Variants in IPMK observed in about 807,000 individuals in gnomAD.
IPMK encodes inositol polyphosphate multikinase, also known as inositol 1,3,4,6-tetrakisphosphate 5-kinase.
Under a neutral mutation model 45.8 loss-of-function variants are expected in IPMK, and 17 were observed. The ratio of observed to expected loss-of-function variants is 0.37; its 90% CI spans 0.25 to 0.56. The LOEUF (loss-of-function observed/expected upper bound fraction) is 0.56. Among genes scored for constraint, IPMK ranks in the 20% least tolerant of loss-of-function variants. IPMK has a pLI of 0.79. For missense variants in IPMK, 399 were observed against 498.0 expected, an observed-to-expected ratio of 0.80 and a Z score of 1.89; for synonymous variants, 180 against 184.3, an observed-to-expected ratio of 0.98 and a Z score of 0.19.
At chr10:58,225,429 T>C (rs769965577) in intron 3 of IPMK, among the ~76,000 whole-genome samples, 2 of 150,560 alleles carry the variant, frequency 1.3e-5, no homozygotes, top group Non-Finnish European at 2.9e-5. Flanking sequence ...TTCAAGATTA[T>C]ATAGTATTGA....
At chr10:58,216,371 G>A in intron 3 of IPMK, 54 bp from the exon 4 acceptor site, 1 of 767,416 alleles carries the variant, frequency 1.3e-6, no homozygotes, top group Non-Finnish European at 1.9e-6. Flanking sequence ...TACTACTCAA[G>A]TACTTGCCAG....
At chr10:58,219,892 G>T (rs1281274805) in intron 3 of IPMK, among the ~76,000 whole-genome samples, 2 of 152,106 alleles carry the variant, frequency 1.3e-5, no homozygotes, top group African/African-American at 4.8e-5. Context: ...GTGTTTTCTT[G>T]TTTTTTTCCT....
chr10:58,267,194 T>G (rs1319144185), intron 1 of IPMK, among the ~76,000 whole-genome samples: 1 of 152,198 alleles, frequency 6.6e-6, no homozygotes, highest in African/African-American at 2.4e-5. Context: ...CGCCTCTCCC[T>G]GCCACCCGTG....
At chr10:58,206,584 C>G (rs1418865630) in intron 4 of IPMK, among the ~76,000 whole-genome samples, 1 of 152,158 alleles carries the variant, frequency 6.6e-6, no homozygotes, top group Non-Finnish European at 1.5e-5. Context: ...CTTATCCTGT[C>G]CATGTACCCT....
chr10:58,264,979 C>G lies in IPMK; in HGVS notation c.190+2443G>C, dbSNP rs566858043. ...GGGAGAATGAGTAGGGGGAAGGGCA[C>G]TACTTAAACTGAATTTTTTTCCTAA... On this transcript the variant is annotated intron_variant, in intron 1 of 5. Transcript: ENST00000373935. Among the ~76,000 whole-genome samples the G allele has an allele frequency of 3.3e-5, 5 of 152,194 alleles. No individual in the cohort carries two copies. In the East Asian group the frequency reaches 9.7e-4, roughly 29 times the overall value.
At chr10:58,259,204 T>G (rs1839018935) in intron 1 of IPMK, among the ~76,000 whole-genome samples, 1 of 152,204 alleles carries the variant, frequency 6.6e-6, no homozygotes, top group Non-Finnish European at 1.5e-5. Context: ...AAATACCATT[T>G]ACCCCTAAAG....
At chr10:58,259,678 A>AAAAAAAAAAAAAAAAAC (rs984861270) in intron 1 of IPMK, among the ~76,000 whole-genome samples, 1 of 144,498 alleles carries the variant, frequency 6.9e-6, no homozygotes, top group South Asian at 2.2e-4. Flanking sequence ...ACATAAAAAA[A>AAAAAAAAAAAAAAAAAC]AAAAAAAAAC....
intron 1 of IPMK, among the ~76,000 whole-genome samples, chr10:58,238,895 C>T (rs1310083300): frequency 6.6e-6 from 1 of 151,238 alleles, no homozygotes; most frequent in Non-Finnish European, 1.5e-5. Flanking sequence ...CATGCTGGCT[C>T]ACACCTGTAA....
Position 58,195,001 on chromosome 10 carries a change from G to A in IPMK, c.*1075C>T, listed in dbSNP as rs1336438030. On this transcript the variant is annotated 3_prime_UTR_variant, in exon 6 of 6. Coordinates refer to ENST00000373935, the MANE Select transcript of IPMK (RefSeq NM_152230.5). ...TGTTTTGAGGAAGAGTGAAATAGAAGCATGAATATAGATACGCACCAAACC... is the reference window on the plus strand; with the variant it reads ...TGTTTTGAGGAAGAGTGAAATAGAAACATGAATATAGATACGCACCAAACC... 6.6e-6 allele frequency: 1 copy of A among 151,858 alleles called. No individual in the cohort carries two copies. The highest frequency in any genetic ancestry group is 2.4e-5 in the African/African-American group (1 of 41,392). The allele number at this position is 151,858 out of a possible 1,614,324, so 9.4% of individuals were successfully genotyped here.
chr10:58,222,837 T>C (rs1838357385), intron 3 of IPMK, among the ~76,000 whole-genome samples: 1 of 152,192 alleles, frequency 6.6e-6, no homozygotes, highest in East Asian at 1.9e-4. Context: ...GCCCAAAATA[T>C]TTATGTATTT....
chr10:58,215,137 G>C (rs1458625932), intron 4 of IPMK, among the ~76,000 whole-genome samples: 1 of 152,044 alleles, frequency 6.6e-6, no homozygotes, highest in Non-Finnish European at 1.5e-5. Context: ...CAAAGAAAAA[G>C]ACCCAGCCAA....
At chr10:58,211,919 A>AAAAAT (rs1838170717) in intron 4 of IPMK, among the ~76,000 whole-genome samples, 16 of 148,286 alleles carry the variant, frequency 1.1e-4, no homozygotes, top group African/African-American at 4.2e-4. Context: ...AAAAAAAAAA[A>AAAAAT]AAAAAATTTG....
rs573216117 is a variant in IPMK at position 58,220,684 on chromosome 10, T to C, written c.374-4367A>G. Among the ~76,000 whole-genome samples the C allele has an allele frequency of 6.6e-5, 10 of 152,250 alleles. No individual in the cohort carries two copies. In the South Asian group the frequency reaches 2.1e-3, roughly 32 times the overall value. ...ACACATTCCCATATCCCCTCCAAAA[T>C]AAAATTTCATACATTCCATATATAA... On this transcript the variant is annotated intron_variant, in intron 3 of 5. Coordinates refer to ENST00000373935, the MANE Select transcript of IPMK (RefSeq NM_152230.5).
chr10:58,236,825 G>T (rs574509714), intron 2 of IPMK, among the ~76,000 whole-genome samples: 1 of 152,224 alleles, frequency 6.6e-6, no homozygotes. Context: ...GGGTTGGGGT[G>T]GGGAGATGCT....
intron 1 of IPMK, among the ~76,000 whole-genome samples, chr10:58,248,273 A>G (rs569882585): frequency 1.3e-5 from 2 of 152,238 alleles, no homozygotes; most frequent in East Asian, 3.9e-4. Context: ...TGTGCATGTA[A>G]TTAAGAATAC....
chr10:58,257,529 A>C (rs1000057446), intron 1 of IPMK, among the ~76,000 whole-genome samples: 3 of 152,124 alleles, frequency 2.0e-5, no homozygotes, highest in African/African-American at 2.4e-5. Flanking sequence ...TAAAATAATA[A>C]GATAAAGAAC....
At chr10:58,236,803 T>TGTGGGGAGGTTGGGTTGGG (rs1838620180) in intron 2 of IPMK, among the ~76,000 whole-genome samples, 1 of 152,050 alleles carries the variant, frequency 6.6e-6, no homozygotes, top group African/African-American at 2.4e-5. Context: ...TTCCAGCTAC[T>TGTGGGGAGGTTGGGTTGGG]GTGGGGAGGT....
intron 2 of IPMK, among the ~76,000 whole-genome samples, chr10:58,229,440 G>A (rs1838473434): frequency 6.6e-6 from 1 of 151,512 alleles, no homozygotes. Flanking sequence ...GCATGCACCT[G>A]TAATCCCAGC....
chr10:58,267,372 G>T lies in IPMK; in HGVS notation c.190+50C>A, dbSNP rs773159857. ...GCTAGGCTGCCTCCGCTGACAGGGGGCTCGCACAGGCGGAAGGGGAGCGGC... is the reference window on the plus strand; with the variant it reads ...GCTAGGCTGCCTCCGCTGACAGGGGTCTCGCACAGGCGGAAGGGGAGCGGC... On this transcript the variant is annotated intron_variant, in intron 1 of 5. Transcript: ENST00000373935. 1.9e-6 allele frequency: 3 copies of T among 1,582,414 alleles called. No individual in the cohort carries two copies. The Admixed American group carries it at 5.0e-5, about 27-fold the overall frequency.
Sources: allele counts gnomAD v4.1 joint callset (sites outside exome capture counted in the v4.1 genomes callset), GRCh38; gene constraint gnomAD v4.1.1; transcripts MANE v1.5; gene names NCBI Gene and HGNC (gene_info 2026-07-23, HGNC 2026-07-21).